MTNAP1: variants seen among roughly 807,000 people sequenced by gnomAD.
The protein encoded by MTNAP1 is mitochondrial nucleoid-associated protein 1.
chr17:73,236,274 TGTTACA>T, the MTNAP1 span: 1 of 1,614,016 alleles, frequency 6.2e-7, no homozygotes, highest in African/African-American at 1.3e-5. Flanking sequence ...TCCCTACTGA[TGTTACA>T]GTTACTGAGA....
chr17:73,236,452 G>C, the MTNAP1 span: 1 of 1,614,174 alleles, frequency 6.2e-7, no homozygotes, highest in Non-Finnish European at 8.5e-7. Context: ...AGAAAAGCAG[G>C]AACGGACTGT....
At chr17:73,238,017 G>A in the MTNAP1 span, among the ~76,000 whole-genome samples, 1 of 152,146 alleles carries the variant, frequency 6.6e-6, no homozygotes, top group Non-Finnish European at 1.5e-5. Flanking sequence ...GGCTTGGGGC[G>A]AAAGACTGAA....
chr17:73,236,785 G>C, the MTNAP1 span: 2 of 1,614,036 alleles, frequency 1.2e-6, no homozygotes, highest in Non-Finnish European at 1.7e-6. Context: ...TTTATGTTCA[G>C]CCCAGCGTCA....
At chr17:73,248,253 C>T in the MTNAP1 span, 9 of 494,150 alleles carry the variant, frequency 1.8e-5, no homozygotes, top group South Asian at 5.5e-5. Flanking sequence ...CTCCTCAGAA[C>T]GAATAGTAGA....
the MTNAP1 span, among the ~76,000 whole-genome samples, chr17:73,238,961 T>C: frequency 2.0e-5 from 3 of 151,222 alleles, no homozygotes; most frequent in Non-Finnish European, 4.4e-5. Flanking sequence ...TGTTTGTTTT[T>C]TGAGACAGAG....
chr17:73,238,705 G>A, the MTNAP1 span, among the ~76,000 whole-genome samples: 1 of 152,136 alleles, frequency 6.6e-6, no homozygotes, highest in South Asian at 2.1e-4. Flanking sequence ...GGCACAAGGT[G>A]GACAGAGAGG....
At chr17:73,240,955 T>C in the MTNAP1 span, among the ~76,000 whole-genome samples, 30 of 152,324 alleles carry the variant, frequency 2.0e-4, no homozygotes, top group Admixed American at 1.7e-3. Context: ...CATGATTCTT[T>C]TCATTGTTCT....
At chr17:73,238,743 T>A in the MTNAP1 span, among the ~76,000 whole-genome samples, 1 of 152,172 alleles carries the variant, frequency 6.6e-6, no homozygotes, top group Non-Finnish European at 1.5e-5. Context: ...TCCTATTTTG[T>A]GGATGATGAA....
the MTNAP1 span, chr17:73,242,106 TC>T: frequency 6.2e-3 from 3,232 of 522,572 alleles, 17 homozygotes; most frequent in Non-Finnish European, 7.3e-3. Flanking sequence ...TTAGCTGCAG[TC>T]CAATGCAGAA....
the MTNAP1 span, chr17:73,247,297 G>A: frequency 3.1e-6 from 5 of 1,614,044 alleles, no homozygotes; most frequent in Non-Finnish European, 4.2e-6. Context: ...CATTGGTGTG[G>A]CGAAGACGAC....
chr17:73,237,015 A>T, the MTNAP1 span: 1 of 1,523,278 alleles, frequency 6.6e-7, no homozygotes, highest in Non-Finnish European at 8.8e-7. Flanking sequence ...CTTATTTTCA[A>T]TTGCCATCTG....
At chr17:73,246,387 G>A in the MTNAP1 span, among the ~76,000 whole-genome samples, 1 of 152,090 alleles carries the variant, frequency 6.6e-6, no homozygotes, top group Admixed American at 6.5e-5. Context: ...ATTGTAAAAA[G>A]TAGCTGAGCT....
chr17:73,243,622 A>C, the MTNAP1 span, among the ~76,000 whole-genome samples: 1 of 145,696 alleles, frequency 6.9e-6, no homozygotes, highest in African/African-American at 2.6e-5. Context: ...TCTGCCTCCT[A>C]GGTTCAAGTG....
At chr17:73,248,584 A>G in the MTNAP1 span, 2 of 1,535,354 alleles carry the variant, frequency 1.3e-6, no homozygotes, top group Admixed American at 2.0e-5. Context: ...CACGTAATCC[A>G]TATTCACCTT....
At chr17:73,234,732 C>T in the MTNAP1 span, among the ~76,000 whole-genome samples, 1 of 141,002 alleles carries the variant, frequency 7.1e-6, no homozygotes, top group Non-Finnish European at 1.6e-5. Flanking sequence ...TGTCCTTGGC[C>T]ATGTATATAT....
the MTNAP1 span, chr17:73,245,077 C>G: frequency 1.6e-6 from 2 of 1,250,650 alleles, no homozygotes; most frequent in Non-Finnish European, 2.3e-6. Context: ...ACTTATAAAA[C>G]AAAAAGAGAA....
At chr17:73,248,617 C>CA in the MTNAP1 span, 1 of 1,353,632 alleles carries the variant, frequency 7.4e-7, no homozygotes, top group Non-Finnish European at 1.0e-6. Context: ...GCAGAAGAGG[C>CA]ATGGTGACAC....
At chr17:73,242,292 C>T in the MTNAP1 span, 5 of 1,607,770 alleles carry the variant, frequency 3.1e-6, no homozygotes, top group Admixed American at 1.7e-5. Context: ...TTGGAACCCC[C>T]TGCCGGACTT....
the MTNAP1 span, chr17:73,248,824 T>G: frequency 5.6e-6 from 2 of 356,334 alleles, no homozygotes; most frequent in East Asian, 4.8e-5. Context: ...GTAGTTTTTC[T>G]AATGCACATT....
Sources: gnomAD v4.1 joint callset for allele counts (sites outside exome capture counted in the v4.1 genomes callset) on GRCh38, gnomAD v4.1.1 for gene constraint, MANE v1.5 for transcripts, NCBI Gene and HGNC (gene_info 2026-07-23, HGNC 2026-07-21) for gene names.